Variants in AHNAK observed in about 807,000 individuals in gnomAD.
The protein encoded by AHNAK is neuroblast differentiation-associated protein AHNAK.
Under a neutral mutation model 37.8 loss-of-function variants are expected in AHNAK, and 23 were observed. The observed-to-expected ratio is 0.61, with a 90% CI of 0.44 to 0.86. The LOEUF (loss-of-function observed/expected upper bound fraction) is 0.86, where lower values mean the gene tolerates loss of function less well. Among genes scored for constraint, AHNAK ranks in the 40% least tolerant of loss-of-function variants. The pLI is 0.00. For synonymous variants in AHNAK, 2,481 were observed against 2,636.3 expected (o/e 0.94, Z 1.80); for missense variants, 7,411 against 7,319.4 (o/e 1.01, Z -0.46).
At chr11:62,502,745 A>G (rs1939735474) in intron 4 of AHNAK, among the ~76,000 whole-genome samples, 1 of 152,218 alleles carries the variant, frequency 6.6e-6, no homozygotes, top group Admixed American at 6.5e-5. Context: ...CCAGGAGGAA[A>G]TGACCTCTGA....
chr11:62,532,960 G>T lies in AHNAK; in HGVS notation c.1457C>A (p.Thr486Asn). The change falls in exon 5 of 5, where the codon ACT becomes AAT. Residue 486 changes from threonine (T) to asparagine (N), a missense_variant. Thr to Asn is a moderately conservative substitution (Grantham distance 65). Coordinates refer to ENST00000378024, the MANE Select transcript of AHNAK (RefSeq NM_001620.3). ...AATCATTTCAGGAGTCTTCACTTTA[G>T]TACCTTTCATCTTTCCTTCCAGCCC... ...TGGLEGKMKG[T>N]KVKTPEMIIQ... is the part of the protein sequence containing the mutation. 6.2e-7 allele frequency: 1 copy of T among 1,614,122 alleles called. No individual in the cohort carries two copies. Among genetic ancestry groups the T allele is most frequent in the Non-Finnish European group, 8.5e-7 (1 of 1,180,024 alleles).
chr11:62,524,960 T>A lies in AHNAK; in HGVS notation c.9457A>T (p.Ile3153Leu). The A allele has an allele frequency of 1.9e-6, 3 of 1,611,518 alleles. No individual in the cohort carries two copies. Among genetic ancestry groups the A allele is most frequent in the Non-Finnish European group, 2.5e-6 (3 of 1,179,216 alleles). The change falls in exon 5 of 5, where the codon ATA becomes TTA. Residue 3153 changes from isoleucine to leucine, a missense_variant. Transcript: ENST00000378024. Reference protein sequence around the residue: ...GPDWHLKMPKIKMPKISMPGF... With the variant: ...GPDWHLKMPKLKMPKISMPGF... ...GGCATGCTGATCTTGGGCATTTTTA[T>A]TTTAGGCATCTTCAGGTGCCAGTCT...
At chr11:62,435,723 T>C (rs919896139) in intron 5 of AHNAK, among the ~76,000 whole-genome samples, 3 of 152,302 alleles carry the variant, frequency 2.0e-5, no homozygotes, top group African/African-American at 7.2e-5. Context: ...TATTTATTTA[T>C]CTTTTTAAGA....
At position 62,522,333 on chromosome 11, in the gene AHNAK, A is replaced by T. The variant is rs965191361; in HGVS notation, c.12084T>A (p.Gly4028=). Reference sequence around the variant, plus strand: ...TGTCAACTTCAGGGGCCTTTAGATCACCTTCCATCTTAGGCAGAGAAACAT... The same window carrying T: ...TGTCAACTTCAGGGGCCTTTAGATCTCCTTCCATCTTAGGCAGAGAAACAT... The part of the protein sequence containing the change: ...DVDVSLPKME[G]DLKAPEVDIK... Residue 4028 remains glycine (G), a synonymous_variant, in exon 5 of 5, where the codon GGT becomes GGA. Coordinates refer to ENST00000378024, the MANE Select transcript of AHNAK (RefSeq NM_001620.3). 1.2e-6 allele frequency: 2 copies of T among 1,612,940 alleles called. No homozygotes were observed. Among genetic ancestry groups the T allele is most frequent in the Non-Finnish European group, 1.7e-6 (2 of 1,179,778 alleles).
chr11:62,526,856 G>C lies in AHNAK; in HGVS notation c.7561C>G (p.Pro2521Ala), dbSNP rs1173344620. 6.2e-6 allele frequency: 10 copies of C among 1,613,736 alleles called. No individual in the cohort carries two copies. Among genetic ancestry groups the C allele is most frequent in the African/African-American group, 1.3e-5 (1 of 74,788 alleles). The part of the protein sequence containing the change: ...PKMKMPKFSM[P>A]GFKAEGPEVD... ...TCAGGGCCCTCTGCTTTGAAGCCAG[G>C]CATGCTGAACTTGGGCATTTTCATC... The change falls in exon 5 of 5, where the codon CCT (proline) becomes GCT (alanine). Residue 2521 changes from proline (P) to alanine (A), a missense_variant. Transcript: ENST00000378024.
At chr11:62,452,110 C>A (rs190786861) in intron 5 of AHNAK, among the ~76,000 whole-genome samples, 3 of 152,292 alleles carry the variant, frequency 2.0e-5, no homozygotes, top group African/African-American at 7.2e-5. Flanking sequence ...CCGCACCCAG[C>A]CTGCAAACTA....
chr11:62,498,918 C>A (rs2134172435), intron 4 of AHNAK, among the ~76,000 whole-genome samples: 1 of 152,276 alleles, frequency 6.6e-6, no homozygotes, highest in East Asian at 1.9e-4. Context: ...AGGGGAGGTT[C>A]ATTATTCAAC....
At chr11:62,436,490 C>A (rs539716816) in intron 5 of AHNAK, among the ~76,000 whole-genome samples, 16 of 152,216 alleles carry the variant, frequency 1.1e-4, no homozygotes, top group Non-Finnish European at 1.9e-4. Flanking sequence ...TCCTCTCTAA[C>A]AAGAAAAGAA....
chr11:62,528,362 T>G lies in AHNAK; in HGVS notation c.6055A>C (p.Lys2019Gln), dbSNP rs560734049. The G allele has an allele frequency of 1.9e-6, 3 of 1,613,816 alleles. No individual in the cohort carries two copies. Among genetic ancestry groups the G allele is most frequent in the East Asian group, 4.5e-5 (2 of 44,830 alleles). Residue 2019 changes from lysine to glutamine, a missense_variant, in exon 5 of 5, where the codon AAA (lysine) becomes CAA (glutamine). Transcript: ENST00000378024. ...CCTTTGATGTCAACATCTGGCACTT[T>G]CATTTCACCTTCTACCTTGGGCACA... is the stretch of plus-strand genomic sequence containing the variant. Reference protein sequence around the residue: ...VSVPKVEGEMKVPDVDIKGPK... With the variant: ...VSVPKVEGEMQVPDVDIKGPK...
At chr11:62,537,970 C>T (rs947980343) in intron 1 of AHNAK, among the ~76,000 whole-genome samples, 4 of 152,102 alleles carry the variant, frequency 2.6e-5, no homozygotes, top group Non-Finnish European at 4.4e-5. Flanking sequence ...GCGTGACCAC[C>T]GCACCCGGCC....
intron 3 of AHNAK, 88 bp downstream of exon 3, chr11:62,535,857 C>A: frequency 6.7e-7 from 1 of 1,502,562 alleles, no homozygotes; most frequent in Non-Finnish European, 8.9e-7. Flanking sequence ...GCCACTCACC[C>A]ACTTCTGCCT....
At position 62,516,602 on chromosome 11, in the gene AHNAK, C is replaced by T. The variant is rs553148103; in HGVS notation, c.*142G>A. 21 of 1,478,626 alleles carry T rather than the reference C, an allele frequency of 1.4e-5. No individual in the cohort carries two copies. Among genetic ancestry groups the T allele is most frequent in the Admixed American group, 4.8e-5 (2 of 41,278 alleles). 91.6% of individuals were successfully genotyped at this position (1,478,626 alleles called of 1,614,324 possible). ...AGCCTACAGGCGGTCGGTTTTTCAG[C>T]GCTTGCCACCGGGCCAGGCAAGGTC... On this transcript the variant is annotated 3_prime_UTR_variant, in exon 5 of 5. Transcript: ENST00000378024.
rs748060018 is a variant in AHNAK, at chr11:62,524,482, T to C, written c.9935A>G (p.Asp3312Gly). 3 of 1,614,020 alleles carry C rather than the reference T, an allele frequency of 1.9e-6. No individual in the cohort carries two copies. The highest frequency in any genetic ancestry group is 2.2e-5 in the South Asian group (2 of 91,090). Reference sequence around the variant, plus strand: ...ACCTTCCAACTTGGGCCCAGAGACATCAACATCTCCCTTAAGCTTTGAGCC... The same window carrying C: ...ACCTTCCAACTTGGGCCCAGAGACACCAACATCTCCCTTAAGCTTTGAGCC... ...LKGSKLKGDV[D>G]VSGPKLEGDI... Residue 3312 changes from aspartate (D) to glycine (G), a missense_variant, in exon 5 of 5, where the codon GAT becomes GGT. Physicochemically the swap from Asp to Gly is moderately conservative, Grantham distance 94. Transcript: ENST00000378024.
intron 5 of AHNAK, among the ~76,000 whole-genome samples, chr11:62,477,810 A>G (rs1939183007): frequency 6.6e-6 from 1 of 152,080 alleles, no homozygotes; most frequent in Non-Finnish European, 1.5e-5. Flanking sequence ...TCAAAAAAAA[A>G]AAAAAGTTAT....
intron 5 of AHNAK, among the ~76,000 whole-genome samples, chr11:62,470,520 C>T (rs1279457395): frequency 6.6e-6 from 1 of 152,028 alleles, no homozygotes; most frequent in Non-Finnish European, 1.5e-5. Flanking sequence ...ACAGGAGAAT[C>T]GCTTGAACCC....
chr11:62,495,126 C>CACTGCACTCT (rs1182059584), intron 4 of AHNAK, among the ~76,000 whole-genome samples: 3 of 151,918 alleles, frequency 2.0e-5, no homozygotes, highest in Non-Finnish European at 4.4e-5. Context: ...GTGATCACAC[C>CACTGCACTCT]ACTGCACTCT....
rs754783347 is a variant in AHNAK at position 62,525,423 on chromosome 11, G to A, written c.8994C>T (p.Asp2998=). 1.9e-6 allele frequency: 3 copies of A among 1,613,044 alleles called. No homozygotes were observed. The highest frequency in any genetic ancestry group is 2.5e-6 in the Non-Finnish European group (3 of 1,179,752). ...CAATGTCCACTTGGGGACCCCTGATGTCAACTTCAGGGCCCTTGAGGTCAC... is the reference window on the plus strand; with the variant it reads ...CAATGTCCACTTGGGGACCCCTGATATCAACTTCAGGGCCCTTGAGGTCAC... ...VEGDLKGPEV[D]IRGPQVDIDV... Residue 2998 remains aspartate (D), a synonymous_variant, in exon 5 of 5, where the codon GAC becomes GAT. Coordinates refer to ENST00000378024, the MANE Select transcript of AHNAK (RefSeq NM_001620.3).
At position 62,489,953 on chromosome 11, in the gene AHNAK, G is replaced by A. The variant is rs146009729; in HGVS notation, c.442+1779C>T. ...GGGCAGGGTGTTTCATGGAAGGAGA[G>A]GGCACAGCACCAAGTGCCCAGAGAT... On this transcript the variant is annotated intron_variant, in intron 5 of 5. Coordinates refer to the AHNAK transcript ENST00000257247. Among the ~76,000 whole-genome samples, 67 of 152,064 alleles carry A rather than the reference G, an allele frequency of 4.4e-4. 1 individual carries two copies. The Middle Eastern group carries it at 0.014, about 31-fold the overall frequency.
chr11:62,453,223 C>A (rs902346736), intron 5 of AHNAK, among the ~76,000 whole-genome samples: 24 of 152,080 alleles, frequency 1.6e-4, no homozygotes, highest in African/African-American at 5.8e-4. Flanking sequence ...TCCCACAATG[C>A]AGACTGATCT....
Sources: allele counts gnomAD v4.1 joint callset (sites outside exome capture counted in the v4.1 genomes callset), GRCh38; gene constraint gnomAD v4.1.1; transcripts MANE v1.5; gene names NCBI Gene and HGNC (gene_info 2026-07-23, HGNC 2026-07-21).